The following TRPM1 variants were observed in gnomAD, a reference collection of about 807,000 sequenced individuals.
The protein encoded by TRPM1 is transient receptor potential cation channel subfamily M member 1, also known as TRPM1-203 APA Isoform, Intron 10.
In TRPM1, 113 loss-of-function variants were observed where a neutral mutation model predicts 149.4. The observed-to-expected ratio is 0.76, with a 90% CI of 0.65 to 0.88. The LOEUF (loss-of-function observed/expected upper bound fraction) is 0.88, where lower values mean the gene tolerates loss of function less well. Among genes scored for constraint, TRPM1 ranks in the 40% least tolerant of loss-of-function variants. The probability of loss-of-function intolerance (pLI) is 0.00; values close to 1 mark genes in which losing one functional copy is unlikely to be tolerated. For synonymous variants in TRPM1, 741 were observed against 759.5 expected (o/e 0.98, Z 0.40); for missense variants, 1,976 against 2,038.7 (o/e 0.97, Z 0.59).
At chr15:31,037,933 T>C (rs1344503096) in intron 19 of TRPM1, 91 bp from the exon 20 acceptor site, 3 of 1,612,072 alleles carry the variant, frequency 1.9e-6, no homozygotes, top group Non-Finnish European at 2.5e-6. Context: ...AAAAACACAA[T>C]TCCAAAAATA....
At chr15:31,056,528 T>C (rs1305501509) in intron 11 of TRPM1, among the ~76,000 whole-genome samples, 1 of 152,220 alleles carries the variant, frequency 6.6e-6, no homozygotes, top group Non-Finnish European at 1.5e-5. Context: ...TGAGGCAGAC[T>C]TTTTTCAGAC....
At chr15:31,114,417 T>C (rs1227533951) in intron 1 of TRPM1, among the ~76,000 whole-genome samples, 5 of 152,232 alleles carry the variant, frequency 3.3e-5, no homozygotes, top group Non-Finnish European at 5.9e-5. Flanking sequence ...CAGTCTATTA[T>C]TGATGGGCAT....
chr15:31,082,138 AAGC>A (rs1460790425), intron 1 of TRPM1, among the ~76,000 whole-genome samples: 1 of 152,198 alleles, frequency 6.6e-6, no homozygotes, highest in Non-Finnish European at 1.5e-5. Context: ...TGAAAGGAGA[AAGC>A]AGGGCTTCCT....
chr15:31,118,076 C>T (rs780643515), intron 1 of TRPM1, among the ~76,000 whole-genome samples: 3 of 152,078 alleles, frequency 2.0e-5, no homozygotes, highest in Non-Finnish European at 4.4e-5. Flanking sequence ...GCCTGGCCAA[C>T]GTGGTGAAAC....
intron 11 of TRPM1, among the ~76,000 whole-genome samples, chr15:31,055,421 A>G (rs1465453995): frequency 1.3e-5 from 2 of 152,206 alleles, no homozygotes; most frequent in Non-Finnish European, 2.9e-5. Flanking sequence ...GCCAAAGCCC[A>G]AAATGTGTAA....
intron 2 of TRPM1, among the ~76,000 whole-genome samples, chr15:31,079,893 C>T (rs2034811115): frequency 6.6e-6 from 1 of 152,160 alleles, no homozygotes; most frequent in South Asian, 2.1e-4. Context: ...GAGCCTGGAA[C>T]ACCTTACTGT....
chr15:31,070,422 A>G lies in TRPM1; in HGVS notation c.84-196T>C, dbSNP rs981877413. 4 of 709,024 alleles carry G rather than the reference A, an allele frequency of 5.6e-6. No individual in the cohort carries two copies. The African/African-American group carries it at 7.0e-5, about 12-fold the overall frequency. 43.9% of individuals were successfully genotyped at this position (709,024 alleles called of 1,614,324 possible). A position where few individuals can be genotyped will look rare whatever the true frequency, so the allele number is the denominator to read the frequency against. ...AGATAATCAGTGCACATCTCTTTAT[A>G]TGCCAGTCGATTTTAGACACATTGG... On this transcript the variant is annotated intron_variant, in intron 3 of 27. Transcript: ENST00000256552.
At chr15:31,070,398 G>C in intron 3 of TRPM1, 172 bp from the exon 4 acceptor site, 1 of 721,992 alleles carries the variant, frequency 1.4e-6, no homozygotes, top group Non-Finnish European at 2.5e-6. Flanking sequence ...GCCTTTTCCA[G>C]ATAATCAGTG....
intron 27 of TRPM1, among the ~76,000 whole-genome samples, chr15:31,015,422 A>AG (rs1196205574): frequency 4.0e-5 from 6 of 151,820 alleles, no homozygotes; most frequent in African/African-American, 1.5e-4. Flanking sequence ...AAAAAAAAAA[A>AG]AAAGAAAAGA....
intron 18 of TRPM1, among the ~76,000 whole-genome samples, chr15:31,038,390 A>G (rs2033498598): frequency 6.6e-6 from 1 of 152,222 alleles, no homozygotes; most frequent in African/African-American, 2.4e-5. Flanking sequence ...TGAATGGCAA[A>G]CAGCACTGTT....
At chr15:31,010,555 TTTAA>T (rs764312698) in intron 27 of TRPM1, among the ~76,000 whole-genome samples, 3 of 152,248 alleles carry the variant, frequency 2.0e-5, no homozygotes, top group Non-Finnish European at 2.9e-5. Context: ...GAGTGTATTG[TTTAA>T]TTGTCACATA....
At chr15:31,147,133 A>G (rs554521030) in intron 1 of TRPM1, among the ~76,000 whole-genome samples, 2 of 152,370 alleles carry the variant, frequency 1.3e-5, no homozygotes, top group African/African-American at 4.8e-5. Flanking sequence ...GCCTGATTCT[A>G]GAATTGCAAA....
chr15:31,135,485 T>C (rs1426727100), intron 1 of TRPM1, among the ~76,000 whole-genome samples: 2 of 152,212 alleles, frequency 1.3e-5, no homozygotes, highest in African/African-American at 2.4e-5. Flanking sequence ...TACATGCATA[T>C]GGATGAAATA....
intron 1 of TRPM1, among the ~76,000 whole-genome samples, chr15:31,109,535 C>T (rs576952934): frequency 2.0e-5 from 3 of 150,692 alleles, no homozygotes; most frequent in African/African-American, 7.3e-5. Flanking sequence ...CCCATTTCTA[C>T]TAAAAATACA....
At chr15:31,150,793 G>T (rs897031556) in intron 1 of TRPM1, among the ~76,000 whole-genome samples, 1 of 152,134 alleles carries the variant, frequency 6.6e-6, no homozygotes, top group Non-Finnish European at 1.5e-5. Flanking sequence ...CTTGCACAGG[G>T]GAGTTGCCTA....
chr15:31,061,691 G>GTTT (rs372758777), intron 9 of TRPM1, among the ~76,000 whole-genome samples, 177 bp from the exon 10 acceptor site: 1 of 145,740 alleles, frequency 6.9e-6, no homozygotes, highest in Admixed American at 6.9e-5. Context: ...TTTTCTTTTT[G>GTTT]TTTTTTTTTT....
chr15:31,141,541 G>T (rs2036162661), intron 1 of TRPM1, among the ~76,000 whole-genome samples: 2 of 152,058 alleles, frequency 1.3e-5, no homozygotes, highest in African/African-American at 4.8e-5. Flanking sequence ...GGAGAAAGTG[G>T]TGCAAAAAAA....
chr15:31,112,999 G>A (rs1166821642), intron 1 of TRPM1, among the ~76,000 whole-genome samples: 2 of 152,204 alleles, frequency 1.3e-5, no homozygotes, highest in African/African-American at 4.8e-5. Context: ...TTAACCATCT[G>A]AGGTGCCGGT....
At chr15:31,141,977 C>G (rs2036168434) in intron 1 of TRPM1, among the ~76,000 whole-genome samples, 1 of 152,136 alleles carries the variant, frequency 6.6e-6, no homozygotes, top group South Asian at 2.1e-4. Flanking sequence ...TCCCAGCACT[C>G]TGGGAGTCTG....
Sources: gnomAD v4.1 joint callset for allele counts (sites outside exome capture counted in the v4.1 genomes callset) on GRCh38, gnomAD v4.1.1 for gene constraint, MANE v1.5 for transcripts, NCBI Gene and HGNC (gene_info 2026-07-23, HGNC 2026-07-21) for gene names.